The following MTAP variants were observed in gnomAD, a reference collection of about 807,000 sequenced individuals.
MTAP encodes the protein methylthioadenosine phosphorylase, also known as S-methyl-5'-thioadenosine phosphorylase.
A neutral mutation model predicts 33.6 loss-of-function variants in MTAP; 33 were observed. That is an observed-to-expected ratio of 0.98 (90% CI 0.74 to 1.31). The LOEUF is 1.31. Ranked by LOEUF, MTAP falls within the 40% of genes most tolerant of loss-of-function variation. The pLI is 0.00. For synonymous variants in MTAP, 148 were observed against 125.7 expected, an observed-to-expected ratio of 1.18 and a Z score of -1.19; for missense variants, 367 against 360.0, an observed-to-expected ratio of 1.02 and a Z score of -0.16.
chr9:21,911,534 G>A (rs973821325), intron 1 of MTAP, among the ~76,000 whole-genome samples: 2 of 152,096 alleles, frequency 1.3e-5, no homozygotes, highest in Non-Finnish European at 2.9e-5. Context: ...TGACTACTGG[G>A]TACATAACGA....
At chr9:21,884,301 A>C (rs1017569336) in intron 1 of MTAP, among the ~76,000 whole-genome samples, 14 of 152,170 alleles carry the variant, frequency 9.2e-5, no homozygotes, top group African/African-American at 3.4e-4. Flanking sequence ...TAATTGCCCC[A>C]AATGGACACA....
intron 1 of MTAP, among the ~76,000 whole-genome samples, chr9:21,896,547 A>C (rs1249861776): frequency 6.6e-6 from 1 of 152,224 alleles, no homozygotes; most frequent in Non-Finnish European, 1.5e-5. Context: ...AAAAATGATA[A>C]AGGGGATATC....
intron 1 of MTAP, among the ~76,000 whole-genome samples, chr9:21,917,284 T>A (rs886294849): frequency 6.6e-6 from 1 of 152,184 alleles, no homozygotes; most frequent in Non-Finnish European, 1.5e-5. Context: ...GCTAAAGATA[T>A]AAATTTCTGA....
intron 6 of MTAP, among the ~76,000 whole-genome samples, chr9:21,855,567 AT>A (rs1267416102): frequency 6.6e-6 from 1 of 152,024 alleles, no homozygotes; most frequent in African/African-American, 2.4e-5. Context: ...GAGAGGAGGG[AT>A]GCAATACAGT....
At chr9:21,826,243 C>T (rs1824796496) in intron 4 of MTAP, among the ~76,000 whole-genome samples, 2 of 145,730 alleles carry the variant, frequency 1.4e-5, no homozygotes, top group African/African-American at 2.5e-5. Context: ...TATTAGATAT[C>T]TAGGAAGTTC....
intron 1 of MTAP, among the ~76,000 whole-genome samples, chr9:21,927,611 G>A (rs1818890014): frequency 6.6e-6 from 1 of 152,142 alleles, no homozygotes; most frequent in African/African-American, 2.4e-5. Flanking sequence ...GATGAAATAT[G>A]GTTTTCAGAT....
chr9:21,847,047 G>A (rs181439027), intron 5 of MTAP, among the ~76,000 whole-genome samples: 70 of 152,280 alleles, frequency 4.6e-4, no homozygotes, highest in Admixed American at 3.7e-3. Context: ...AGTCTAATCA[G>A]CTGCCAGCAT....
intron 4 of MTAP, among the ~76,000 whole-genome samples, chr9:21,826,531 A>C (rs118026108): frequency 4.0e-5 from 6 of 151,690 alleles, no homozygotes; most frequent in Non-Finnish European, 8.8e-5. Context: ...TTCCTTCTGC[A>C]TCCTGTCGGA....
downstream of MTAP, among the ~76,000 whole-genome samples, chr9:21,871,513 T>C (rs1164144829): frequency 6.6e-6 from 1 of 152,256 alleles, no homozygotes; most frequent in Non-Finnish European, 1.5e-5. Flanking sequence ...CATTGTGTGA[T>C]GGTTCAGGAA....
At chr9:21,911,487 G>A (rs964209480) in intron 1 of MTAP, among the ~76,000 whole-genome samples, 1 of 152,068 alleles carries the variant, frequency 6.6e-6, no homozygotes, top group African/African-American at 2.4e-5. Context: ...ACACAAAACC[G>A]CTCAACTACA....
At chr9:21,915,628 G>A (rs904148885) in intron 1 of MTAP, among the ~76,000 whole-genome samples, 8 of 152,270 alleles carry the variant, frequency 5.3e-5, no homozygotes, top group Middle Eastern at 3.4e-3. Context: ...TTTACTCTGA[G>A]TATACTTATT....
intron 6 of MTAP, among the ~76,000 whole-genome samples, chr9:21,855,294 C>T (rs2118519140): frequency 6.6e-6 from 1 of 152,240 alleles, no homozygotes; most frequent in East Asian, 1.9e-4. Flanking sequence ...CTCTGTTCAG[C>T]ATAGAAATGT....
chr9:21,815,650 A>C (rs1824456122), intron 2 of MTAP, 131 bp downstream of exon 2: 2 of 688,188 alleles, frequency 2.9e-6, no homozygotes, highest in African/African-American at 3.7e-5. Context: ...CTCCCAGCAG[A>C]GAGGGCCAGA....
chr9:21,878,902 G>A (rs1339254022), intron 1 of MTAP, among the ~76,000 whole-genome samples: 2 of 152,016 alleles, frequency 1.3e-5, no homozygotes, highest in East Asian at 3.8e-4. Flanking sequence ...TATTTTTATT[G>A]CGCTATAGTC....
At chr9:21,841,289 G>A (rs947145242) in intron 5 of MTAP, among the ~76,000 whole-genome samples, 2 of 152,244 alleles carry the variant, frequency 1.3e-5, no homozygotes, top group Non-Finnish European at 2.9e-5. Flanking sequence ...GTGCTCTCTT[G>A]AAAGTGCCAC....
At chr9:21,938,908 T>G (rs1247047099), downstream of MTAP, among the ~76,000 whole-genome samples, 4 of 152,216 alleles carry the variant, frequency 2.6e-5, no homozygotes, top group South Asian at 6.2e-4. Context: ...TTTATAAAAT[T>G]GCTAACCCAA....
chr9:21,837,641 A>T (rs569657616), intron 4 of MTAP, among the ~76,000 whole-genome samples: 1 of 152,164 alleles, frequency 6.6e-6, no homozygotes, highest in African/African-American at 2.4e-5. Flanking sequence ...TGCACCTGCA[A>T]TCCAAAGTGG....
At chr9:21,881,451 ACAAT>A (rs916819984) in intron 1 of MTAP, among the ~76,000 whole-genome samples, 10 of 152,204 alleles carry the variant, frequency 6.6e-5, no homozygotes, top group African/African-American at 2.4e-4. Flanking sequence ...ATCAAAGGAC[ACAAT>A]CAACATTGTA....
At chr9:21,897,448 T>A (rs1818315302) in intron 1 of MTAP, among the ~76,000 whole-genome samples, 1 of 152,186 alleles carries the variant, frequency 6.6e-6, no homozygotes, top group South Asian at 2.1e-4. Flanking sequence ...ATTGTCCCTG[T>A]TTGCAGATGA....
Sources: gnomAD v4.1 joint callset for allele counts (sites outside exome capture counted in the v4.1 genomes callset) on GRCh38, gnomAD v4.1.1 for gene constraint, MANE v1.5 for transcripts, NCBI Gene and HGNC (gene_info 2026-07-23, HGNC 2026-07-21) for gene names.